PHKB: variants seen among roughly 807,000 people sequenced by gnomAD.
PHKB encodes the protein phosphorylase b kinase regulatory subunit beta.
A neutral mutation model predicts 152.1 loss-of-function variants in PHKB; 122 were observed. That is an observed-to-expected ratio of 0.80 (90% confidence interval 0.69 to 0.93). The LOEUF is 0.93. Ranked by LOEUF, PHKB falls within the 40% of genes least tolerant of loss-of-function variation. The pLI is 0.00. For synonymous variants in PHKB, 436 were observed against 464.9 expected, an observed-to-expected ratio of 0.94 and a Z score of 0.80; for missense variants, 1,304 against 1,328.4, an observed-to-expected ratio of 0.98 and a Z score of 0.29.
At chr16:47,579,116 T>G (rs1003519568) in intron 7 of PHKB, among the ~76,000 whole-genome samples, 1 of 152,168 alleles carries the variant, frequency 6.6e-6, no homozygotes, top group African/African-American at 2.4e-5. Flanking sequence ...TGTGTTTGTT[T>G]TATATGTAAT....
At chr16:47,489,433 T>G (rs191455254) in intron 1 of PHKB, among the ~76,000 whole-genome samples, 2 of 152,352 alleles carry the variant, frequency 1.3e-5, no homozygotes, top group Admixed American at 1.3e-4. Flanking sequence ...AACATAGACT[T>G]TAGTCTTATA....
At chr16:47,486,496 T>C (rs1416258252) in intron 1 of PHKB, among the ~76,000 whole-genome samples, 1 of 152,228 alleles carries the variant, frequency 6.6e-6, no homozygotes, top group Non-Finnish European at 1.5e-5. Context: ...ACTGTTGTTC[T>C]ATGGGAATGC....
intron 1 of PHKB, among the ~76,000 whole-genome samples, chr16:47,470,941 G>A (rs576662328): frequency 1.2e-4 from 18 of 152,290 alleles, no homozygotes; most frequent in Non-Finnish European, 2.1e-4. Flanking sequence ...TCTCTCTCCT[G>A]GATTCCTCCA....
chr16:47,625,730 A>C (rs1972697563), intron 14 of PHKB, among the ~76,000 whole-genome samples: 1 of 152,184 alleles, frequency 6.6e-6, no homozygotes, highest in Non-Finnish European at 1.5e-5. Flanking sequence ...TATAAATTTA[A>C]TCATCTTTCT....
chr16:47,488,405 C>T (rs1246491839), intron 1 of PHKB, among the ~76,000 whole-genome samples: 6 of 152,052 alleles, frequency 3.9e-5, no homozygotes, highest in South Asian at 2.1e-4. Context: ...TTTGCTCTAT[C>T]GGTAGTTTCT....
At chr16:47,681,898 G>C (rs1324134727) in intron 26 of PHKB, among the ~76,000 whole-genome samples, 2 of 152,138 alleles carry the variant, frequency 1.3e-5, no homozygotes, top group Admixed American at 6.5e-5. Context: ...TGTTTTTGCA[G>C]TGTCTGGTAC....
chr16:47,699,611 A>G lies in PHKB; in HGVS notation c.*245A>G. On this transcript the variant is annotated 3_prime_UTR_variant, in exon 31 of 31. Coordinates refer to ENST00000323584, the MANE Select transcript of PHKB (RefSeq NM_000293.3). ...CCAACTATAATAGTAATCCTCACTG[A>G]GTGATAAAAATAGTTTATGAATTGA... 1.9e-6 allele frequency: 1 copy of G among 534,996 alleles called. No homozygotes were observed. Among genetic ancestry groups the G allele is most frequent in the African/African-American group, 1.9e-5 (1 of 52,682 alleles). 33.1% of individuals were successfully genotyped at this position (534,996 alleles called of 1,614,324 possible). A position where few individuals can be genotyped will look rare whatever the true frequency, so the allele number is the denominator to read the frequency against.
chr16:47,658,375 C>T (rs1973376205), intron 20 of PHKB, among the ~76,000 whole-genome samples: 1 of 152,098 alleles, frequency 6.6e-6, no homozygotes, highest in Non-Finnish European at 1.5e-5. Flanking sequence ...CCTCATCCTA[C>T]TCCCCTGCCC....
chr16:47,573,131 G>A (rs921786145), intron 7 of PHKB, among the ~76,000 whole-genome samples: 5 of 152,194 alleles, frequency 3.3e-5, no homozygotes, highest in African/African-American at 1.2e-4. Context: ...AGCTGCACAG[G>A]ATAGACAAAT....
chr16:47,599,192 A>T (rs1244445335), intron 13 of PHKB, among the ~76,000 whole-genome samples: 1 of 152,250 alleles, frequency 6.6e-6, no homozygotes, highest in Admixed American at 6.5e-5. Context: ...TAAGAATTTT[A>T]ACATTAGAAT....
chr16:47,658,127 T>A (rs1597156367), intron 20 of PHKB, among the ~76,000 whole-genome samples: 1 of 152,212 alleles, frequency 6.6e-6, no homozygotes, highest in African/African-American at 2.4e-5. Flanking sequence ...CCTGCATCTC[T>A]GATTTCATCT....
At chr16:47,519,277 T>C (rs1223677260) in intron 6 of PHKB, among the ~76,000 whole-genome samples, 1 of 152,238 alleles carries the variant, frequency 6.6e-6, no homozygotes, top group Non-Finnish European at 1.5e-5. Context: ...TTCTCTCTTA[T>C]TGTATTAGTC....
intron 26 of PHKB, among the ~76,000 whole-genome samples, chr16:47,682,743 G>C (rs1973885589): frequency 6.6e-6 from 1 of 152,200 alleles, no homozygotes; most frequent in African/African-American, 2.4e-5. Context: ...TTGATCGTCT[G>C]AAGCCTTCTT....
intron 20 of PHKB, among the ~76,000 whole-genome samples, chr16:47,655,867 A>T (rs955612216): frequency 2.0e-5 from 3 of 152,114 alleles, no homozygotes; most frequent in Non-Finnish European, 2.9e-5. Context: ...TACTTTTTAT[A>T]CTCAAGCACC....
intron 20 of PHKB, among the ~76,000 whole-genome samples, chr16:47,652,729 A>G (rs1054825252): frequency 6.6e-6 from 1 of 151,960 alleles, no homozygotes; most frequent in African/African-American, 2.4e-5. Flanking sequence ...TGCTCCCTCG[A>G]CCACCTAAGC....
At chr16:47,598,104 A>G (rs1972155669) in intron 13 of PHKB, 1 of 152,196 alleles carries the variant, frequency 6.6e-6, no homozygotes, top group Non-Finnish European at 1.5e-5. Flanking sequence ...TTTGTAATCA[A>G]CCTATAATTA....
intron 4 of PHKB, among the ~76,000 whole-genome samples, chr16:47,507,484 C>T (rs954619075): frequency 6.6e-6 from 1 of 151,996 alleles, no homozygotes; most frequent in African/African-American, 2.4e-5. Context: ...AATATGTTTT[C>T]TTTTGATACA....
At chr16:47,671,955 A>G (rs2051387105) in intron 26 of PHKB, among the ~76,000 whole-genome samples, 1 of 152,126 alleles carries the variant, frequency 6.6e-6, no homozygotes, top group Non-Finnish European at 1.5e-5. Flanking sequence ...TTATAAAAGA[A>G]CAATAATAAT....
chr16:47,547,934 A>G (rs1971202498), intron 7 of PHKB: 1 of 257,444 alleles, frequency 3.9e-6, no homozygotes, highest in South Asian at 4.3e-5. Context: ...TGAATATAAA[A>G]TTTCCTTCCA....
Sources: gnomAD v4.1 joint callset for allele counts (sites outside exome capture counted in the v4.1 genomes callset) on GRCh38, gnomAD v4.1.1 for gene constraint, MANE v1.5 for transcripts, NCBI Gene and HGNC (gene_info 2026-07-23, HGNC 2026-07-21) for gene names.